Variants in SNAP29 observed in about 807,000 individuals in gnomAD.
SNAP29 encodes synaptosomal-associated protein 29.
A neutral mutation model predicts 27.9 loss-of-function variants in SNAP29; 13 were observed. The observed-to-expected ratio is 0.47, with a 90% CI of 0.30 to 0.74. The LOEUF (loss-of-function observed/expected upper bound fraction) is 0.74, where lower values mean the gene tolerates loss of function less well. Ranked by LOEUF, SNAP29 falls within the 30% of genes least tolerant of loss-of-function variation. The probability of loss-of-function intolerance (pLI) is 0.06; values close to 1 mark genes in which losing one functional copy is unlikely to be tolerated. For missense variants in SNAP29, 368 were observed against 336.5 expected, an observed-to-expected ratio of 1.09 and a Z score of -0.73; for synonymous variants, 119 against 127.1, an observed-to-expected ratio of 0.94 and a Z score of 0.43.
At chr22:20,862,112 A>G (rs930572332) in intron 1 of SNAP29, among the ~76,000 whole-genome samples, 3 of 152,196 alleles carry the variant, frequency 2.0e-5, no homozygotes, top group African/African-American at 7.2e-5. Context: ...CTTACATCTC[A>G]TACCTACTGG....
At chr22:20,883,983 G>C (rs1163239624) in intron 4 of SNAP29, among the ~76,000 whole-genome samples, 1 of 152,150 alleles carries the variant, frequency 6.6e-6, no homozygotes, top group Non-Finnish European at 1.5e-5. Flanking sequence ...GTTAGTGCTC[G>C]TGTTGCAATT....
At chr22:20,867,113 G>A (rs115954944) in intron 1 of SNAP29, among the ~76,000 whole-genome samples, 15 of 152,320 alleles carry the variant, frequency 9.8e-5, no homozygotes, top group African/African-American at 3.6e-4. Context: ...AGAGACTTGG[G>A]ATTGTTTCGT....
intron 1 of SNAP29, among the ~76,000 whole-genome samples, chr22:20,863,120 C>T (rs936447320): frequency 1.3e-5 from 2 of 152,228 alleles, no homozygotes; most frequent in Non-Finnish European, 2.9e-5. Flanking sequence ...AATTCCTGAG[C>T]TCAGATGATC....
At chr22:20,866,963 C>G (rs1482936522) in intron 1 of SNAP29, among the ~76,000 whole-genome samples, 4 of 152,138 alleles carry the variant, frequency 2.6e-5, no homozygotes, top group Non-Finnish European at 5.9e-5. Flanking sequence ...CTGCCTCCCC[C>G]ACAGGACTGT....
intron 3 of SNAP29, 28 bp downstream of exon 3, chr22:20,881,162 C>T: frequency 6.8e-7 from 1 of 1,462,922 alleles, no homozygotes; most frequent in South Asian, 1.1e-5. Flanking sequence ...TGCACAGCCA[C>T]ATTTGAATTC....
At chr22:20,881,206 TG>T in intron 3 of SNAP29, 72 bp downstream of exon 3, 4 of 1,043,674 alleles carry the variant, frequency 3.8e-6, no homozygotes, top group South Asian at 2.6e-5. Context: ...CGTTGGTCCT[TG>T]GGGGGCAGTG....
At chr22:20,881,247 C>A in intron 3 of SNAP29, 113 bp downstream of exon 3, 1 of 763,616 alleles carries the variant, frequency 1.3e-6, no homozygotes, top group Non-Finnish European at 2.3e-6. Context: ...GGGCAGGGGC[C>A]CCAGCTGCTG....
At chr22:20,876,947 G>C (rs1028445323) in intron 2 of SNAP29, among the ~76,000 whole-genome samples, 1 of 152,150 alleles carries the variant, frequency 6.6e-6, no homozygotes, top group Admixed American at 6.5e-5. Context: ...GGGAAGCCCT[G>C]TTTGTCCTTG....
intron 2 of SNAP29, among the ~76,000 whole-genome samples, chr22:20,878,928 C>T (rs370460108): frequency 3.3e-5 from 5 of 152,088 alleles, no homozygotes; most frequent in East Asian, 3.8e-4. Flanking sequence ...AACTAGGCCA[C>T]GGAGCAAAAT....
intron 1 of SNAP29, among the ~76,000 whole-genome samples, chr22:20,861,892 C>G (rs1048779075): frequency 3.3e-5 from 5 of 152,178 alleles, no homozygotes; most frequent in African/African-American, 1.2e-4. Context: ...CTTGGCCTCC[C>G]AAAGTGTTGG....
intron 2 of SNAP29, among the ~76,000 whole-genome samples, chr22:20,872,394 C>T (rs1928614578): frequency 7.3e-6 from 1 of 137,020 alleles, no homozygotes; most frequent in African/African-American, 2.9e-5. Context: ...GTGCCCACAC[C>T]ATGCCTGGCT....
rs562057089 is a variant in SNAP29, at chr22:20,882,481, A to T, written c.521-990A>T. 8.5e-5 allele frequency among the ~76,000 whole-genome samples: 13 copies of T among 152,284 alleles called. 1 individual carries two copies. The South Asian group carries it at 2.7e-3, about 32-fold the overall frequency. On this transcript the variant is annotated intron_variant, in intron 3 of 4. Coordinates refer to ENST00000215730, the MANE Select transcript of SNAP29 (RefSeq NM_004782.4). ...AAAGGCTTACTGTGCTGCCTTCAAG[A>T]AAACGATACACCATGGAAGCTCTGG...
chr22:20,859,022 G>A lies in SNAP29; in HGVS notation c.-89G>A. 3 of 1,371,200 alleles carry A rather than the reference G, an allele frequency of 2.2e-6. No homozygotes were observed. The highest frequency in any genetic ancestry group is 1.3e-5 in the South Asian group (1 of 76,218). 84.9% of individuals were successfully genotyped at this position (1,371,200 alleles called of 1,614,324 possible). ...CGCGGAAGGAGTTCGCGCGACGACC[G>A]CGGGGTCGGCGGGCGGGGCGAGGCC... On this transcript the variant is annotated 5_prime_UTR_variant, in exon 1 of 5. Coordinates refer to ENST00000215730, the MANE Select transcript of SNAP29 (RefSeq NM_004782.4).
At chr22:20,877,837 G>A (rs1928785605) in intron 2 of SNAP29, among the ~76,000 whole-genome samples, 1 of 152,220 alleles carries the variant, frequency 6.6e-6, no homozygotes, top group African/African-American at 2.4e-5. Context: ...AAAGAATAAA[G>A]CCAGCGTTGA....
chr22:20,873,068 G>A (rs1486883957), intron 2 of SNAP29, among the ~76,000 whole-genome samples: 1 of 151,802 alleles, frequency 6.6e-6, no homozygotes, highest in East Asian at 1.9e-4. Context: ...GATCTCAGAT[G>A]ATCCGCCCGC....
At chr22:20,881,243 G>A (rs1928884796) in intron 3 of SNAP29, 109 bp downstream of exon 3, 5 of 783,574 alleles carry the variant, frequency 6.4e-6, no homozygotes, top group South Asian at 4.3e-5. Flanking sequence ...AGGTGGGCAG[G>A]GGCCCCAGCT....
At chr22:20,882,634 TGAAAG>T (rs1389297390) in intron 3 of SNAP29, among the ~76,000 whole-genome samples, 1 of 152,148 alleles carries the variant, frequency 6.6e-6, no homozygotes, top group Non-Finnish European at 1.5e-5. Flanking sequence ...GAGTGTAAAT[TGAAAG>T]GCAAGGGCTG....
chr22:20,873,538 C>T (rs1407767292), intron 2 of SNAP29, among the ~76,000 whole-genome samples: 2 of 152,010 alleles, frequency 1.3e-5, no homozygotes, highest in East Asian at 1.9e-4. Context: ...AACAGGCAGG[C>T]GAAGCCATCA....
chr22:20,882,821 A>G (rs1937330258), intron 3 of SNAP29, among the ~76,000 whole-genome samples: 1 of 152,172 alleles, frequency 6.6e-6, no homozygotes, highest in Non-Finnish European at 1.5e-5. Context: ...TGCTGGAGGA[A>G]ATGTGCTAAG....
Sources: gnomAD v4.1 joint callset for allele counts (sites outside exome capture counted in the v4.1 genomes callset) on GRCh38, gnomAD v4.1.1 for gene constraint, MANE v1.5 for transcripts, NCBI Gene and HGNC (gene_info 2026-07-23, HGNC 2026-07-21) for gene names.